The following ASIC2 variants were observed in gnomAD, a reference collection of about 807,000 sequenced individuals.
ASIC2 encodes the protein acid-sensing ion channel 2.
Under a neutral mutation model 57.3 loss-of-function variants are expected in ASIC2, and 25 were observed. That is an observed-to-expected ratio of 0.44 (90% CI 0.32 to 0.61). The LOEUF (loss-of-function observed/expected upper bound fraction) is 0.61, where lower values mean the gene tolerates loss of function less well. Among genes scored for constraint, ASIC2 ranks in the 20% least tolerant of loss-of-function variants. The pLI, the probability that ASIC2 is intolerant of heterozygous loss-of-function variation, is 0.06. For missense variants in ASIC2, 641 were observed against 738.1 expected (o/e 0.87, Z 1.52); for synonymous variants, 319 against 307.5 (o/e 1.04, Z -0.39).
At chr17:33,396,656 C>T (rs1307837703) in intron 1 of ASIC2, among the ~76,000 whole-genome samples, 1 of 152,182 alleles carries the variant, frequency 6.6e-6, no homozygotes, top group Non-Finnish European at 1.5e-5. Context: ...GTGCCTAGGA[C>T]TGTCCCTAAA....
chr17:33,925,064 T>C (rs760723244), intron 1 of ASIC2, among the ~76,000 whole-genome samples: 13 of 152,226 alleles, frequency 8.5e-5, no homozygotes, highest in Non-Finnish European at 1.8e-4. Flanking sequence ...GCTTCCTGCC[T>C]TCCCTGCTTC....
intron 1 of ASIC2, among the ~76,000 whole-genome samples, chr17:33,571,594 C>A (rs533379649): frequency 6.6e-6 from 1 of 152,356 alleles, no homozygotes; most frequent in East Asian, 1.9e-4. Context: ...ATTTATCACA[C>A]ATAAATGTGT....
chr17:33,691,869 TAAC>T (rs1908381703), intron 1 of ASIC2, among the ~76,000 whole-genome samples: 1 of 152,118 alleles, frequency 6.6e-6, no homozygotes, highest in Admixed American at 6.5e-5. Flanking sequence ...ACGGGTAACT[TAAC>T]AACAGGGATA....
At chr17:33,696,288 G>A (rs903703149) in intron 1 of ASIC2, among the ~76,000 whole-genome samples, 5 of 152,200 alleles carry the variant, frequency 3.3e-5, no homozygotes, top group Admixed American at 6.5e-5. Context: ...TGACCCAGCT[G>A]GGGGTGGAGG....
intron 1 of ASIC2, among the ~76,000 whole-genome samples, chr17:33,405,479 TTTTC>T (rs1910438293): frequency 7.5e-6 from 1 of 133,802 alleles, no homozygotes; most frequent in African/African-American, 3.0e-5. Flanking sequence ...TCTTTTTCTT[TTTTC>T]TTTCTTTTTT....
At chr17:33,363,251 G>A (rs960350205) in intron 1 of ASIC2, among the ~76,000 whole-genome samples, 1 of 152,136 alleles carries the variant, frequency 6.6e-6, no homozygotes, top group Non-Finnish European at 1.5e-5. Flanking sequence ...CAGGGGCAGG[G>A]GGAAGAGCAG....
At chr17:33,579,822 T>A (rs145989812) in intron 1 of ASIC2, among the ~76,000 whole-genome samples, 1 of 152,090 alleles carries the variant, frequency 6.6e-6, no homozygotes, top group Admixed American at 6.5e-5. Context: ...GATTTCGGCG[T>A]CTGGCTCGGG....
chr17:33,578,434 T>TC (rs1157357914), intron 1 of ASIC2, among the ~76,000 whole-genome samples: 1 of 152,192 alleles, frequency 6.6e-6, no homozygotes, highest in East Asian at 1.9e-4. Context: ...TCATTTACAG[T>TC]ATCAGTCATT....
At chr17:33,383,656 C>A (rs1361992875) in intron 1 of ASIC2, among the ~76,000 whole-genome samples, 1 of 152,220 alleles carries the variant, frequency 6.6e-6, no homozygotes. Flanking sequence ...CACCAGGGCC[C>A]CACCCTGGGC....
intron 1 of ASIC2, among the ~76,000 whole-genome samples, chr17:33,329,602 A>T (rs1201294196): frequency 6.6e-6 from 1 of 152,220 alleles, no homozygotes; most frequent in African/African-American, 2.4e-5. Context: ...GTCACCAGTT[A>T]TATGGTGGCA....
At chr17:33,609,968 G>C (rs1345367527) in intron 1 of ASIC2, among the ~76,000 whole-genome samples, 5 of 151,924 alleles carry the variant, frequency 3.3e-5, no homozygotes, top group Admixed American at 3.3e-4. Context: ...AGCAGCCTGG[G>C]AGTCGGCTTG....
intron 1 of ASIC2, among the ~76,000 whole-genome samples, chr17:33,320,056 A>T (rs1906809148): frequency 6.6e-6 from 1 of 152,172 alleles, no homozygotes; most frequent in African/African-American, 2.4e-5. Flanking sequence ...GATGAGTCTA[A>T]TAAGGAGCTC....
intron 1 of ASIC2, among the ~76,000 whole-genome samples, chr17:33,409,345 G>A (rs1180699853): frequency 2.0e-5 from 3 of 152,194 alleles, no homozygotes; most frequent in Admixed American, 1.3e-4. Context: ...ACAGAAACTG[G>A]AGTGACCTTC....
intron 1 of ASIC2, among the ~76,000 whole-genome samples, chr17:33,515,332 C>T (rs187854504): frequency 1.2e-3 from 177 of 152,262 alleles, no homozygotes; most frequent in Non-Finnish European, 1.9e-3. Context: ...TCCTATGGGG[C>T]GCTCAGGTGG....
intron 1 of ASIC2, among the ~76,000 whole-genome samples, chr17:33,670,410 A>G (rs1439874456): frequency 3.3e-5 from 5 of 152,252 alleles, no homozygotes; most frequent in Non-Finnish European, 7.3e-5. Flanking sequence ...AATGTTTAAA[A>G]TAAGGAATCA....
At chr17:33,972,483 C>T (rs1001484021) in intron 1 of ASIC2, among the ~76,000 whole-genome samples, 2 of 152,120 alleles carry the variant, frequency 1.3e-5, no homozygotes, top group Admixed American at 6.5e-5. Context: ...TAGTTCTTTG[C>T]GTAGGACTGG....
chr17:33,786,633 A>T (rs997304540), intron 1 of ASIC2, among the ~76,000 whole-genome samples: 1 of 152,098 alleles, frequency 6.6e-6, no homozygotes, highest in Admixed American at 6.5e-5. Flanking sequence ...TTTTTACTGC[A>T]GTCAAAGGAA....
chr17:33,973,215 C>A (rs1257385705), intron 1 of ASIC2, among the ~76,000 whole-genome samples: 1 of 152,154 alleles, frequency 6.6e-6, no homozygotes, highest in African/African-American at 2.4e-5. Flanking sequence ...CAGAAGCTAC[C>A]AAAGGGCCAA....
intron 1 of ASIC2, among the ~76,000 whole-genome samples, chr17:33,832,948 T>A (rs1255536636): frequency 2.6e-5 from 4 of 152,216 alleles, no homozygotes; most frequent in African/African-American, 9.6e-5. Context: ...ATATGGCAAG[T>A]ACATATTACG....
Sources: allele counts gnomAD v4.1 joint callset (sites outside exome capture counted in the v4.1 genomes callset), GRCh38; gene constraint gnomAD v4.1.1; transcripts MANE v1.5; gene names NCBI Gene and HGNC (gene_info 2026-07-23, HGNC 2026-07-21).